Variants in CHRM3 observed in about 807,000 individuals in gnomAD.
CHRM3 encodes muscarinic acetylcholine receptor M3.
CHRM3 carries 11 observed loss-of-function variants against 41.8 expected under a neutral mutation model. The observed-to-expected ratio is 0.26, with a 90% CI of 0.17 to 0.44. CHRM3 has a LOEUF of 0.44. Among genes scored for constraint, CHRM3 ranks in the 20% least tolerant of loss-of-function variants. The pLI is 1.00. For synonymous variants in CHRM3, 297 were observed against 301.4 expected (o/e 0.99, Z 0.15); for missense variants, 571 against 745.4 (o/e 0.77, Z 2.72).
intron 6 of CHRM3, among the ~76,000 whole-genome samples, chr1:239,828,600 G>T (rs1197865902): frequency 1.3e-5 from 2 of 152,136 alleles, no homozygotes; most frequent in African/African-American, 4.8e-5. Flanking sequence ...CAAACGAGGA[G>T]GTGCAAAAGC....
intron 1 of CHRM3, among the ~76,000 whole-genome samples, chr1:239,411,541 A>C (rs908122179): frequency 6.6e-6 from 1 of 151,936 alleles, no homozygotes; most frequent in Non-Finnish European, 1.5e-5. Context: ...CCTGGCCAAC[A>C]TGGTGAAACC....
At chr1:239,477,195 A>T (rs1377355951) in intron 1 of CHRM3, among the ~76,000 whole-genome samples, 1 of 152,236 alleles carries the variant, frequency 6.6e-6, no homozygotes, top group Non-Finnish European at 1.5e-5. Context: ...TTTTAGCTGT[A>T]TGAAGTGAGC....
intron 5 of CHRM3, among the ~76,000 whole-genome samples, chr1:239,825,666 T>C (rs1453195831): frequency 1.3e-5 from 2 of 152,204 alleles, no homozygotes; most frequent in African/African-American, 4.8e-5. Context: ...AAATGTAATA[T>C]ACACATACAA....
At chr1:239,898,334 GT>G in intron 6 of CHRM3, 1 of 152,200 alleles carries the variant, frequency 6.6e-6, no homozygotes, top group East Asian at 1.9e-4. Context: ...CCACCTAGTG[GT>G]TTGATGTGGT....
At chr1:239,747,179 C>T (rs1002858779) in intron 5 of CHRM3, among the ~76,000 whole-genome samples, 1 of 151,842 alleles carries the variant, frequency 6.6e-6, no homozygotes, top group Non-Finnish European at 1.5e-5. Flanking sequence ...TTTATTTTTC[C>T]CACATATAAG....
At chr1:239,640,183 A>T (rs1670952298) in intron 4 of CHRM3, among the ~76,000 whole-genome samples, 2 of 151,600 alleles carry the variant, frequency 1.3e-5, no homozygotes, top group South Asian at 4.2e-4. Flanking sequence ...TTTATTGAGG[A>T]TTTTTGCATC....
chr1:239,764,072 GA>G (rs1301768556), intron 5 of CHRM3, among the ~76,000 whole-genome samples: 1 of 148,722 alleles, frequency 6.7e-6, no homozygotes, highest in Non-Finnish European at 1.5e-5. Context: ...GCGACAGAGT[GA>G]GATCCTATCT....
At chr1:239,690,063 A>AGAGAG (rs3063607) in intron 5 of CHRM3, among the ~76,000 whole-genome samples, 81,280 of 150,568 alleles carry the variant, frequency 0.54, 23,336 homozygotes, top group African/African-American at 0.76. Context: ...AGAGAGAGAG[A>AGAGAG]GAGACAGAGA....
chr1:239,543,216 A>G (rs1401210069), intron 2 of CHRM3, among the ~76,000 whole-genome samples: 2 of 152,172 alleles, frequency 1.3e-5, no homozygotes, highest in East Asian at 3.9e-4. Context: ...CCCGGTGGCC[A>G]TCTTTCTCCA....
chr1:239,637,729 A>T (rs1573055946), intron 4 of CHRM3, among the ~76,000 whole-genome samples: 2 of 129,162 alleles, frequency 1.5e-5, no homozygotes, highest in East Asian at 2.2e-4. Flanking sequence ...TTTTTTGGGG[A>T]ATTTGTATTT....
chr1:239,477,567 C>A (rs1464740776), intron 1 of CHRM3, among the ~76,000 whole-genome samples: 1 of 152,144 alleles, frequency 6.6e-6, no homozygotes, highest in African/African-American at 2.4e-5. Flanking sequence ...AACTTTTAAT[C>A]AACTTTAAAT....
intron 6 of CHRM3, among the ~76,000 whole-genome samples, chr1:239,854,641 A>C (rs1674959788): frequency 6.6e-6 from 1 of 152,266 alleles, no homozygotes; most frequent in East Asian, 1.9e-4. Context: ...TGCCTACAAA[A>C]TCACATCCAG....
At chr1:239,646,957 T>C (rs28670246) in intron 4 of CHRM3, among the ~76,000 whole-genome samples, 1 of 152,128 alleles carries the variant, frequency 6.6e-6, no homozygotes, top group African/African-American at 2.4e-5. Context: ...AAACTACGAA[T>C]GGGAGTGAGG....
chr1:239,444,193 G>A (rs954423944), intron 1 of CHRM3, among the ~76,000 whole-genome samples: 2 of 152,118 alleles, frequency 1.3e-5, no homozygotes, highest in South Asian at 2.1e-4. Context: ...CAGGAGTCAC[G>A]GAATTAGTCT....
At chr1:239,687,143 A>G (rs1659224579) in intron 5 of CHRM3, among the ~76,000 whole-genome samples, 1 of 151,756 alleles carries the variant, frequency 6.6e-6, no homozygotes, top group Non-Finnish European at 1.5e-5. Flanking sequence ...AAATAATAAT[A>G]TGCTTGGAAA....
intron 1 of CHRM3, among the ~76,000 whole-genome samples, chr1:239,428,922 G>A (rs1049890638): frequency 6.6e-6 from 1 of 152,132 alleles, no homozygotes; most frequent in African/African-American, 2.4e-5. Context: ...CTGAATAAGA[G>A]CCTGTGCAGA....
At chr1:239,465,712 G>A (rs981233366) in intron 1 of CHRM3, among the ~76,000 whole-genome samples, 3 of 152,100 alleles carry the variant, frequency 2.0e-5, no homozygotes, top group Non-Finnish European at 2.9e-5. Context: ...ATATAATTCC[G>A]AACTTTTGAG....
intron 5 of CHRM3, among the ~76,000 whole-genome samples, chr1:239,749,456 G>A (rs1665631713): frequency 2.0e-5 from 3 of 152,244 alleles, no homozygotes; most frequent in Non-Finnish European, 2.9e-5. Context: ...ATCACCTGAC[G>A]TCAGGAGTTC....
At chr1:239,643,759 C>T (rs533783039) in intron 4 of CHRM3, among the ~76,000 whole-genome samples, 84 of 152,326 alleles carry the variant, frequency 5.5e-4, no homozygotes, top group African/African-American at 1.8e-3. Context: ...GGCTCATGCA[C>T]GGTGCGCTGC....
Sources: allele counts gnomAD v4.1 joint callset (sites outside exome capture counted in the v4.1 genomes callset), GRCh38; gene constraint gnomAD v4.1.1; transcripts MANE v1.5; gene names NCBI Gene and HGNC (gene_info 2026-07-23, HGNC 2026-07-21).